Variants in FTCDNL1 observed in about 807,000 individuals in gnomAD.
FTCDNL1 encodes formiminotransferase cyclodeaminase N-terminal like.
A neutral mutation model predicts 5.9 loss-of-function variants in FTCDNL1; 11 were observed. The observed-to-expected ratio is 1.87, with a 90% CI of 1.18 to 3.10. The LOEUF is 3.10. FTCDNL1 is among the 30% of genes most tolerant of loss of function. FTCDNL1 has a pLI of 0.00. For missense variants in FTCDNL1, 115 were observed against 65.5 expected (o/e 1.76, Z -2.61); for synonymous variants, 58 against 24.8 (o/e 2.34, Z -3.99).
chr2:199,681,797 C>T, the FTCDNL1 span, among the ~76,000 whole-genome samples: 6,878 of 152,114 alleles, frequency 0.045, 539 homozygotes, highest in African/African-American at 0.16. Flanking sequence ...GTTATATATA[C>T]GGGTGCTAAT....
At chr2:199,842,386 T>C (rs144430484) in intron 3 of FTCDNL1, among the ~76,000 whole-genome samples, 8 of 152,302 alleles carry the variant, frequency 5.3e-5, no homozygotes, top group African/African-American at 1.7e-4. Flanking sequence ...CATGCAGCCA[T>C]ACTGAAGTCC....
intron 3 of FTCDNL1, among the ~76,000 whole-genome samples, chr2:199,765,556 A>ATATATATATATATATATT: frequency 2.3e-5 from 1 of 42,658 alleles, no homozygotes; most frequent in African/African-American, 6.4e-5. Flanking sequence ...ATATATATAT[A>ATATATATATATATATATT]TTTTTTTTTT....
chr2:199,696,109 G>A, the FTCDNL1 span, among the ~76,000 whole-genome samples: 2 of 152,180 alleles, frequency 1.3e-5, no homozygotes, highest in African/African-American at 4.8e-5. Flanking sequence ...GCCCCCCTCA[G>A]TAGGCACTCT....
the FTCDNL1 span, among the ~76,000 whole-genome samples, chr2:199,676,254 T>C: frequency 6.6e-6 from 1 of 152,212 alleles, no homozygotes; most frequent in Non-Finnish European, 1.5e-5. Context: ...TGGCCCATTC[T>C]AATGTTTGCC....
At chr2:199,837,204 T>C (rs534114851) in intron 3 of FTCDNL1, among the ~76,000 whole-genome samples, 5 of 152,210 alleles carry the variant, frequency 3.3e-5, no homozygotes, top group Admixed American at 6.5e-5. Flanking sequence ...CTCTCCTTCA[T>C]AGTTAAAATG....
rs1275439936 is a variant in FTCDNL1 at position 199,810,395 on chromosome 2, A to G, written c.*2310T>C. 6.6e-6 allele frequency among the ~76,000 whole-genome samples: 1 copy of G among 152,216 alleles called. No homozygotes were observed. The highest frequency in any genetic ancestry group is 6.5e-5 in the Admixed American group (1 of 15,282). ...AAAGGGACTCACGTGTTTTGTGATG[A>G]TGTGAGTTTGGCAGGGTTTGGAGCC... On this transcript the variant is annotated 3_prime_UTR_variant, in exon 5 of 5. Coordinates refer to ENST00000420128, the MANE Select transcript of FTCDNL1 (RefSeq NM_001363886.2).
exon 4 of FTCDNL1, chr2:199,760,607 G>A (rs1007928883): frequency 9.7e-6 from 5 of 514,172 alleles, no homozygotes; most frequent in African/African-American, 7.6e-5. Flanking sequence ...AGATACATGG[G>A]GAAACATTCT....
At chr2:199,704,313 A>AAAAGAC in the FTCDNL1 span, among the ~76,000 whole-genome samples, 1 of 152,192 alleles carries the variant, frequency 6.6e-6, no homozygotes, top group Non-Finnish European at 1.5e-5. Context: ...CTGTAAGTTA[A>AAAAGAC]AAAGACAAAA....
chr2:199,785,249 C>CCTTTTTTTTT (rs535762570), intron 3 of FTCDNL1, among the ~76,000 whole-genome samples: 1 of 76,866 alleles, frequency 1.3e-5, no homozygotes, highest in Non-Finnish European at 2.2e-5. Context: ...TTCCAAATTC[C>CCTTTTTTTTT]TTTTTTTTTT....
At chr2:199,739,528 G>A in the FTCDNL1 span, among the ~76,000 whole-genome samples, 2 of 152,180 alleles carry the variant, frequency 1.3e-5, no homozygotes, top group Non-Finnish European at 1.5e-5. Flanking sequence ...GGAAGCTAGA[G>A]TATGCTTATG....
At chr2:199,795,416 G>A (rs536843592) in intron 3 of FTCDNL1, among the ~76,000 whole-genome samples, 4 of 152,196 alleles carry the variant, frequency 2.6e-5, no homozygotes, top group East Asian at 1.9e-4. Context: ...TCTTATTAAC[G>A]AGGGCTTTCC....
chr2:199,720,131 AG>A, the FTCDNL1 span, among the ~76,000 whole-genome samples: 1 of 152,136 alleles, frequency 6.6e-6, no homozygotes, highest in Non-Finnish European at 1.5e-5. Flanking sequence ...TGAAGTCTTT[AG>A]GGTTTTCTAG....
chr2:199,805,541 C>G (rs555095128), downstream of FTCDNL1, among the ~76,000 whole-genome samples: 1 of 152,166 alleles, frequency 6.6e-6, no homozygotes, highest in East Asian at 1.9e-4. Flanking sequence ...GAGTTCGAGA[C>G]CAGCCTGACC....
intron 3 of FTCDNL1, among the ~76,000 whole-genome samples, chr2:199,835,910 G>A (rs938533416): frequency 3.3e-5 from 5 of 152,180 alleles, no homozygotes; most frequent in African/African-American, 4.8e-5. Context: ...GTTAGTAAGG[G>A]GTGAATGTTT....
intron 4 of FTCDNL1, among the ~76,000 whole-genome samples, chr2:199,813,941 A>C (rs981064807): frequency 7.7e-6 from 1 of 129,454 alleles, no homozygotes; most frequent in African/African-American, 2.9e-5. Flanking sequence ...AAAAAAAAAA[A>C]AATACTTTTT....
At chr2:199,776,507 G>T (rs1243464897) in intron 3 of FTCDNL1, among the ~76,000 whole-genome samples, 1 of 152,162 alleles carries the variant, frequency 6.6e-6, no homozygotes, top group African/African-American at 2.4e-5. Flanking sequence ...CACTGAAAGT[G>T]GCCTGCACAA....
chr2:199,821,917 A>G (rs1378921588), intron 3 of FTCDNL1, among the ~76,000 whole-genome samples: 2 of 152,248 alleles, frequency 1.3e-5, no homozygotes, highest in Non-Finnish European at 2.9e-5. Context: ...GGCATACCTC[A>G]GAGATATTGT....
At chr2:199,671,930 T>A in the FTCDNL1 span, among the ~76,000 whole-genome samples, 4 of 152,210 alleles carry the variant, frequency 2.6e-5, no homozygotes, top group African/African-American at 9.7e-5. Flanking sequence ...TTTTATTGTA[T>A]CTGTTTATAA....
chr2:199,676,025 T>C, the FTCDNL1 span, among the ~76,000 whole-genome samples: 3 of 152,348 alleles, frequency 2.0e-5, no homozygotes, highest in South Asian at 2.1e-4. Context: ...GTGCTGGGAC[T>C]ACAGGAATGA....
Sources: allele counts gnomAD v4.1 joint callset (sites outside exome capture counted in the v4.1 genomes callset), GRCh38; gene constraint gnomAD v4.1.1; transcripts MANE v1.5; gene names NCBI Gene and HGNC (gene_info 2026-07-23, HGNC 2026-07-21).